Variants in CD163L1 observed in about 807,000 individuals in gnomAD.
CD163L1 encodes the protein CD163 molecule like 1.
In CD163L1, 124 loss-of-function variants were observed where a neutral mutation model predicts 165.4. That is an observed-to-expected ratio of 0.75 (90% CI 0.65 to 0.87). CD163L1 has a LOEUF of 0.87. Ranked by LOEUF, CD163L1 falls within the 40% of genes least tolerant of loss-of-function variation. The pLI is 0.00. For missense variants in CD163L1, 1,525 were observed against 1,799.9 expected (o/e 0.85, Z 2.76); for synonymous variants, 585 against 662.2 (o/e 0.88, Z 1.79).
chr12:7,399,969 C>G (rs764698476), intron 6 of CD163L1, among the ~76,000 whole-genome samples: 1 of 152,190 alleles, frequency 6.6e-6, no homozygotes, highest in South Asian at 2.1e-4. Context: ...TTTAAAAATT[C>G]TAAAAGTGTT....
At chr12:7,348,084 T>G (rs6488126) in intron 4 of CD163L1, among the ~76,000 whole-genome samples, 151,910 of 152,338 alleles carry the variant, frequency 1, 75,744 homozygotes, top group Middle Eastern at 1. Context: ...TATTAGAAAT[T>G]TGTTTTTTTC....
At chr12:7,367,378 T>A (rs746308628) in intron 17 of CD163L1, 47 bp from the exon 18 acceptor site, 1 of 1,236,408 alleles carries the variant, frequency 8.1e-7, no homozygotes, top group African/African-American at 1.5e-5. Flanking sequence ...AAATGGCCTA[T>A]CCCTTATATT....
At chr12:7,422,642 T>G (rs1948460165) in intron 4 of CD163L1, among the ~76,000 whole-genome samples, 1 of 150,160 alleles carries the variant, frequency 6.7e-6, no homozygotes, top group Non-Finnish European at 1.5e-5. Flanking sequence ...TATATATATC[T>G]CATATATATT....
intron 8 of CD163L1, among the ~76,000 whole-genome samples, chr12:7,389,288 A>G (rs931077875): frequency 6.6e-6 from 1 of 152,216 alleles, no homozygotes; most frequent in African/African-American, 2.4e-5. Flanking sequence ...TCTTTTGGAC[A>G]CAAACCATTT....
intron 4 of CD163L1, among the ~76,000 whole-genome samples, chr12:7,348,798 A>G (rs1946687943): frequency 6.7e-6 from 1 of 148,922 alleles, no homozygotes; most frequent in Non-Finnish European, 1.5e-5. Flanking sequence ...CAAAGCAGTA[A>G]TAAGTCCTTG....
intron 18 of CD163L1, among the ~76,000 whole-genome samples, chr12:7,363,441 ATAAAT>A (rs1946948521): frequency 6.6e-6 from 1 of 152,070 alleles, no homozygotes; most frequent in Non-Finnish European, 1.5e-5. Flanking sequence ...AATCAGAGAA[ATAAAT>A]TAAATTGAGA....
chr12:7,357,574 G>A, intron 18 of CD163L1, 88 bp from the exon 19 acceptor site: 1 of 1,070,278 alleles, frequency 9.3e-7, no homozygotes, highest in Non-Finnish European at 1.4e-6. Flanking sequence ...TTGATCAGCT[G>A]GGAAAGTATA....
the CD163L1 span, among the ~76,000 whole-genome samples, chr12:7,332,131 C>T: frequency 1.5e-4 from 23 of 152,094 alleles, no homozygotes; most frequent in Admixed American, 2.6e-4. Flanking sequence ...AACTATGTGA[C>T]GAATGCACAA....
chr12:7,376,256 A>G (rs1471844259), intron 9 of CD163L1, among the ~76,000 whole-genome samples: 1 of 152,230 alleles, frequency 6.6e-6, no homozygotes, highest in Non-Finnish European at 1.5e-5. Context: ...GAAGGAAATG[A>G]ATTGCACAAT....
chr12:7,404,048 T>A (rs1297730877), intron 5 of CD163L1, among the ~76,000 whole-genome samples, 193 bp from the exon 6 acceptor site: 8 of 152,154 alleles, frequency 5.3e-5, no homozygotes, highest in Admixed American at 5.2e-4. Context: ...AAGATTGAAA[T>A]TTTAAAGATT....
At chr12:7,358,260 T>C (rs1361144878) in intron 18 of CD163L1, among the ~76,000 whole-genome samples, 1 of 152,138 alleles carries the variant, frequency 6.6e-6, no homozygotes, top group South Asian at 2.1e-4. Context: ...AAAGTTTCAG[T>C]GTTAAAAACT....
At chr12:7,331,860 C>G in the CD163L1 span, among the ~76,000 whole-genome samples, 5 of 152,164 alleles carry the variant, frequency 3.3e-5, no homozygotes, top group Non-Finnish European at 1.5e-5. Context: ...ACCGGAAAAT[C>G]TAAAAATCAG....
intron 19 of CD163L1, among the ~76,000 whole-genome samples, chr12:7,355,532 G>A (rs965721291): frequency 6.6e-6 from 1 of 152,114 alleles, no homozygotes; most frequent in African/African-American, 2.4e-5. Context: ...GATGATTAAT[G>A]AGGTTTAGAC....
rs776536909 is a variant in CD163L1 at position 7,369,491 on chromosome 12, C to G, written c.3905G>C (p.Gly1302Ala). ...ALAALRDASF[G>A]QGTGTIWLDD... ...CAACCAGATGGTTCCAGTTCCCTGG[C>G]CAAACGAAGCGTCCCTCAGGGCAGC... Residue 1302 changes from glycine to alanine, a missense_variant, in exon 15 of 20, where the codon GGC (glycine) becomes GCC (alanine). By Grantham distance (60) the Gly-to-Ala change is moderately conservative (BLOSUM62 0). Transcript: ENST00000313599. The surrounding 1 kb of genome is among the most constrained non-coding windows in gnomAD (Gnocchi z 4.9). 2 of 1,614,182 alleles carry G rather than the reference C, an allele frequency of 1.2e-6. No individual in the cohort carries two copies. Among genetic ancestry groups the G allele is most frequent in the African/African-American group, 1.3e-5 (1 of 75,044 alleles).
In CD163L1 at chr12:7,419,190, G is replaced by C. The variant is rs759664618; in HGVS notation, c.767-12338C>G. ...ATGATCAAGTGGGTTTCATACCAGG[G>C]ATGAGGGATGGTTAAACAAACACAA... On this transcript the variant is annotated intron_variant, in intron 4 of 19. Transcript: ENST00000313599. Among the ~76,000 whole-genome samples the C allele has an allele frequency of 3.3e-5, 5 of 152,092 alleles. No individual in the cohort carries two copies. In the East Asian group the frequency reaches 9.6e-4, roughly 29 times the overall value.
chr12:7,442,535 C>T (rs962709919), intron 1 of CD163L1, among the ~76,000 whole-genome samples: 1 of 152,244 alleles, frequency 6.6e-6, no homozygotes, highest in East Asian at 1.9e-4. Context: ...TCAGTCACAT[C>T]CATCATTCTT....
intron 4 of CD163L1, among the ~76,000 whole-genome samples, chr12:7,421,133 ATATATG>A (rs1948365946): frequency 8.8e-4 from 3 of 3,404 alleles, no homozygotes; most frequent in South Asian, 0.015. Flanking sequence ...ATATATACGT[ATATATG>A]TATATATGTG....
chr12:7,352,978 C>A (rs915689968), downstream of CD163L1, among the ~76,000 whole-genome samples: 3 of 152,066 alleles, frequency 2.0e-5, no homozygotes, highest in Non-Finnish European at 4.4e-5. Context: ...TGAAATCTAG[C>A]TCTGAGGAGG....
chr12:7,396,874 A>AGAGAGAG (rs1565794065), intron 7 of CD163L1, among the ~76,000 whole-genome samples: 11 of 151,898 alleles, frequency 7.2e-5, no homozygotes, highest in Admixed American at 4.6e-4. Flanking sequence ...GAGAGAGAGA[A>AGAGAGAG]GAGAGGCTCA....
Sources: gnomAD v4.1 joint callset for allele counts (sites outside exome capture counted in the v4.1 genomes callset) on GRCh38, gnomAD v4.1.1 for gene constraint, Gnocchi (gnomAD v3.1) non-coding constraint, MANE v1.5 for transcripts, NCBI Gene and HGNC (gene_info 2026-07-23, HGNC 2026-07-21) for gene names.